The following UGP2 variants were observed in gnomAD, a reference collection of about 807,000 sequenced individuals.
UGP2 encodes UTP--glucose-1-phosphate uridylyltransferase.
Under a neutral mutation model 49.0 loss-of-function variants are expected in UGP2, and 40 were observed. The ratio of observed to expected loss-of-function variants is 0.82; its 90% confidence interval spans 0.63 to 1.06. UGP2 has a LOEUF of 1.06. UGP2 is among the 50% of genes least tolerant of loss of function. The probability of loss-of-function intolerance (pLI) is 0.00; values close to 1 mark genes in which losing one functional copy is unlikely to be tolerated. For missense variants in UGP2, 460 were observed against 603.5 expected, an observed-to-expected ratio of 0.76 and a Z score of 2.49; for synonymous variants, 225 against 213.0, an observed-to-expected ratio of 1.06 and a Z score of -0.49.
chr2:63,890,972 T>C, intron 9 of UGP2, 148 bp from the exon 10 acceptor site: 1 of 537,586 alleles, frequency 1.9e-6, no homozygotes, highest in Non-Finnish European at 3.2e-6. Flanking sequence ...TTTCCTTAAC[T>C]GTTATTTGTT....
At chr2:63,877,345 G>A (rs2104338483) in intron 3 of UGP2, among the ~76,000 whole-genome samples, 1 of 152,354 alleles carries the variant, frequency 6.6e-6, no homozygotes, top group South Asian at 2.1e-4. Context: ...CTGAAGTGAA[G>A]CTCTGTCCTC....
intron 8 of UGP2, chr2:63,889,025 G>C (rs1046038358): frequency 2.0e-5 from 3 of 152,102 alleles, no homozygotes; most frequent in African/African-American, 7.2e-5. Context: ...AATGCAGATG[G>C]GGAATTAGAA....
Position 63,882,473 on chromosome 2 carries a change from C to G in UGP2, c.263C>G (p.Pro88Arg). The change falls in exon 4 of 10, where the codon CCC becomes CGC. Residue 88 changes from proline to arginine, a missense_variant. By Grantham distance (103) the Pro-to-Arg change is moderately radical (BLOSUM62 -2). Coordinates refer to ENST00000337130, the MANE Select transcript of UGP2 (RefSeq NM_006759.4). ...IQRPPEDSIQ[P>R]YEKIKARGLP... ...ATGTTATTTTTCTTTCAGATTCAAC[C>G]CTATGAAAAGATAAAGGCCAGGGGC... is the stretch of plus-strand genomic sequence containing the variant. 6.4e-7 allele frequency: 1 copy of G among 1,573,228 alleles called. No homozygotes were observed. Among genetic ancestry groups the G allele is most frequent in the Non-Finnish European group, 8.7e-7 (1 of 1,152,352 alleles).
Position 63,881,935 on chromosome 2 carries a change from G to A in UGP2, c.256-531G>A, listed in dbSNP as rs571989330. On this transcript the variant is annotated intron_variant, in intron 3 of 9. Coordinates refer to ENST00000337130, the MANE Select transcript of UGP2 (RefSeq NM_006759.4). ...AAGTTTGACAAAAAGTCTATGCTAC[G>A]TTCCTCTGAAAGGCAAACTTATGAC... Among the ~76,000 whole-genome samples, 8 of 152,322 alleles carry A rather than the reference G, an allele frequency of 5.3e-5. No individual in the cohort carries two copies. The South Asian group carries it at 1.5e-3, about 28-fold the overall frequency.
At chr2:63,874,789 G>A (rs1355035908) in intron 3 of UGP2, among the ~76,000 whole-genome samples, 1 of 149,572 alleles carries the variant, frequency 6.7e-6, no homozygotes, top group Non-Finnish European at 1.5e-5. Context: ...AAAAAAAAAA[G>A]CCTGGTACCT....
intron 1 of UGP2, among the ~76,000 whole-genome samples, chr2:63,844,840 G>T (rs188812059): frequency 6.6e-6 from 1 of 152,174 alleles, no homozygotes; most frequent in East Asian, 1.9e-4. Context: ...GGGATTACAG[G>T]TGTGAGCTGC....
intron 1 of UGP2, among the ~76,000 whole-genome samples, chr2:63,849,492 A>G (rs1668901350): frequency 1.3e-5 from 2 of 152,242 alleles, no homozygotes; most frequent in South Asian, 4.1e-4. Flanking sequence ...TGCCTTGGTA[A>G]TAAAATATTT....
chr2:63,850,742 T>G (rs1012760493), intron 1 of UGP2, among the ~76,000 whole-genome samples: 4 of 152,186 alleles, frequency 2.6e-5, no homozygotes, highest in African/African-American at 9.7e-5. Flanking sequence ...TTCAGATACT[T>G]ATGACAGTCT....
At chr2:63,866,316 A>T (rs2104307225) in intron 3 of UGP2, among the ~76,000 whole-genome samples, 1 of 152,372 alleles carries the variant, frequency 6.6e-6, no homozygotes, top group South Asian at 2.1e-4. Context: ...ATTTGTAAAA[A>T]GTTAAAACAG....
chr2:63,875,252 T>C (rs1340507088), intron 3 of UGP2, among the ~76,000 whole-genome samples: 4 of 152,176 alleles, frequency 2.6e-5, no homozygotes, highest in Non-Finnish European at 4.4e-5. Context: ...TCGTTAACTG[T>C]TTACACAGCT....
chr2:63,877,005 A>G (rs1307831365), intron 3 of UGP2, among the ~76,000 whole-genome samples: 1 of 152,264 alleles, frequency 6.6e-6, no homozygotes, highest in East Asian at 1.9e-4. Context: ...AATCAATATG[A>G]GGCTGAGAAT....
At chr2:63,876,345 T>G (rs1195989322) in intron 3 of UGP2, among the ~76,000 whole-genome samples, 2 of 152,098 alleles carry the variant, frequency 1.3e-5, no homozygotes, top group Admixed American at 6.5e-5. Context: ...CTAGTACCTT[T>G]GTGCACACCC....
intron 2 of UGP2, 192 bp downstream of exon 2, chr2:63,856,625 CT>C: frequency 1.6e-6 from 1 of 627,064 alleles, no homozygotes; most frequent in Non-Finnish European, 2.7e-6. Flanking sequence ...AATCCATTAT[CT>C]TTTTTTCATT....
chr2:63,843,826 A>G (rs1042055873), intron 1 of UGP2, among the ~76,000 whole-genome samples: 8 of 152,216 alleles, frequency 5.3e-5, no homozygotes, highest in African/African-American at 1.2e-4. Context: ...TACAGTTCCC[A>G]TGATTCACTC....
intron 1 of UGP2, 111 bp from the exon 2 acceptor site, chr2:63,856,195 T>G: frequency 7.4e-7 from 1 of 1,354,492 alleles, no homozygotes; most frequent in Non-Finnish European, 1.0e-6. Context: ...AAAGGGACCT[T>G]GGGATTGAGC....
At chr2:63,878,638 A>G (rs1299086739) in intron 3 of UGP2, among the ~76,000 whole-genome samples, 1 of 152,174 alleles carries the variant, frequency 6.6e-6, no homozygotes, top group Non-Finnish European at 1.5e-5. Flanking sequence ...TTGGCAGTCT[A>G]TTTGTGTAGC....
At chr2:63,881,855 T>A (rs1390860018) in intron 3 of UGP2, among the ~76,000 whole-genome samples, 1 of 152,234 alleles carries the variant, frequency 6.6e-6, no homozygotes, top group Non-Finnish European at 1.5e-5. Context: ...TTTTATATGG[T>A]GACACCTGAA....
At position 63,886,372 on chromosome 2, in the gene UGP2, T is replaced by C. The variant is rs1671673384; in HGVS notation, c.905T>C (p.Leu302Pro). 6.2e-7 allele frequency: 1 copy of C among 1,614,042 alleles called. No homozygotes were observed. The change falls in exon 7 of 10, where the codon CTG becomes CCG. Residue 302 changes from leucine to proline, a missense_variant. Physicochemically the swap from Leu to Pro is moderately conservative, Grantham distance 98. Around this residue, in one of 2 missense-constraint regions of UGP2, gnomAD observed 317 missense variants for 473.0 expected, o/e 0.67. Coordinates refer to ENST00000337130, the MANE Select transcript of UGP2 (RefSeq NM_006759.4). ...ACACTCACTCAATATGAAGGCAAAC[T>C]GAGACTGGTGGAAATTGCTCAAGTG... Reference protein sequence around the residue: ...GGTLTQYEGKLRLVEIAQVPK... With the variant: ...GGTLTQYEGKPRLVEIAQVPK...
At chr2:63,860,376 T>G (rs1372087650) in intron 3 of UGP2, among the ~76,000 whole-genome samples, 1 of 152,216 alleles carries the variant, frequency 6.6e-6, no homozygotes, top group Non-Finnish European at 1.5e-5. Context: ...TGTCTATAAC[T>G]GCTTTTTTGC....
Sources: allele counts gnomAD v4.1 joint callset (sites outside exome capture counted in the v4.1 genomes callset), GRCh38; gene constraint gnomAD v4.1.1; regional missense constraint gnomAD v4.1.1; transcripts MANE v1.5; gene names NCBI Gene and HGNC (gene_info 2026-07-23, HGNC 2026-07-21).